The following MYO16 variants were observed in gnomAD, a reference collection of about 807,000 sequenced individuals.
MYO16 encodes the protein unconventional myosin-XVI.
A neutral mutation model predicts 205.3 loss-of-function variants in MYO16; 94 were observed. The observed-to-expected ratio is 0.46, with a 90% CI of 0.39 to 0.54. The LOEUF is 0.54. MYO16 is among the 20% of genes least tolerant of loss of function. The pLI is 0.00. For missense variants in MYO16, 2,315 were observed against 2,387.5 expected, an observed-to-expected ratio of 0.97 and a Z score of 0.63; for synonymous variants, 988 against 954.0, an observed-to-expected ratio of 1.04 and a Z score of -0.66.
intron 31 of MYO16, among the ~76,000 whole-genome samples, chr13:109,133,695 T>G (rs1009503310): frequency 1.3e-5 from 2 of 152,202 alleles, no homozygotes; most frequent in Non-Finnish European, 2.9e-5. Context: ...TTCATCTCAT[T>G]GACTTTATCA....
At position 108,850,126 on chromosome 13, in the gene MYO16, T is replaced by C. The variant is rs973439311; in HGVS notation, c.1249-5317T>C. On this transcript the variant is annotated intron_variant, in intron 10 of 34. Coordinates refer to ENST00000457511, the MANE Select transcript of MYO16 (RefSeq NM_001198950.3). ...CAAATCCTGTTGAATTTCCTCTTTTTGTGTGTGTAACTTATCCATACTGGG... is the reference window on the plus strand; with the variant it reads ...CAAATCCTGTTGAATTTCCTCTTTTCGTGTGTGTAACTTATCCATACTGGG... Among the ~76,000 whole-genome samples the C allele has an allele frequency of 4.6e-5, 7 of 151,836 alleles. 1 individual carries two copies. The highest frequency in any genetic ancestry group is 1.3e-4 in the Admixed American group (2 of 15,248).
At chr13:109,128,954 T>C (rs537258338) in intron 31 of MYO16, among the ~76,000 whole-genome samples, 5 of 152,004 alleles carry the variant, frequency 3.3e-5, no homozygotes, top group African/African-American at 1.2e-4. Flanking sequence ...GTATTTTTAG[T>C]AGAGACAGGG....
Position 109,141,157 on chromosome 13 carries a change from G to A in MYO16, c.4945G>A (p.Gly1649Arg), listed in dbSNP as rs746750646. The change falls in exon 32 of 35, where the codon GGG becomes AGG. Residue 1649 changes from glycine to arginine, a missense_variant. This residue lies in a region of MYO16 where 1,097 missense variants were observed against 1,092.0 expected (regional missense o/e 1.00). Coordinates refer to ENST00000457511, the MANE Select transcript of MYO16 (RefSeq NM_001198950.3). The surrounding 1 kb of genome is among the most constrained non-coding windows in gnomAD (Gnocchi z 4.1). Reference protein sequence around the residue: ...HPKPNSAPVAGPCSSFPKIPY... With the variant: ...HPKPNSAPVARPCSSFPKIPY... Reference sequence around the variant, plus strand: ...AAAGCCAAACTCTGCCCCCGTGGCCGGGCCCTGCAGCTCCTTCCCCAAGAT... The same window carrying A: ...AAAGCCAAACTCTGCCCCCGTGGCCAGGCCCTGCAGCTCCTTCCCCAAGAT... 2.5e-6 allele frequency: 4 copies of A among 1,604,302 alleles called. No individual in the cohort carries two copies. Among genetic ancestry groups the A allele is most frequent in the Middle Eastern group, 1.7e-4 (1 of 6,028 alleles).
At chr13:109,158,392 C>G (rs995390933) in intron 32 of MYO16, among the ~76,000 whole-genome samples, 1 of 152,208 alleles carries the variant, frequency 6.6e-6, no homozygotes, top group Non-Finnish European at 1.5e-5. Flanking sequence ...CTACCTCCCC[C>G]TCCCTCCACA....
intron 21 of MYO16, among the ~76,000 whole-genome samples, chr13:109,005,054 G>C (rs888815197): frequency 6.6e-6 from 1 of 152,194 alleles, no homozygotes; most frequent in Non-Finnish European, 1.5e-5. Context: ...AGAAGACAGA[G>C]AGGAAAAGTT....
Position 109,127,650 on chromosome 13 carries a change from TTAA to T in MYO16, c.4051+103_4051+105del. On this transcript the variant is annotated intron_variant, in intron 31 of 34. Coordinates refer to ENST00000457511, the MANE Select transcript of MYO16 (RefSeq NM_001198950.3). This position sits in a 1 kb window ranked among gnomAD's most constrained non-coding sequence, Gnocchi z 4.2. ...GCAGTACTGTCGCCCTAATGTATTCTTAATAGAAATAAATCCAATTGTTGGCTT... is the reference window on the plus strand; with the variant it reads ...GCAGTACTGTCGCCCTAATGTATTCTTAGAAATAAATCCAATTGTTGGCTT... The T allele has an allele frequency of 8.3e-7, 1 of 1,202,988 alleles. No individual in the cohort carries two copies. Among genetic ancestry groups the T allele is most frequent in the Non-Finnish European group, 1.1e-6 (1 of 870,778 alleles). 74.5% of individuals were successfully genotyped at this position (1,202,988 alleles called of 1,614,324 possible). A position where few individuals can be genotyped will look rare whatever the true frequency, so the allele number is the denominator to read the frequency against.
chr13:108,642,382 A>G (rs543349692), intron 1 of MYO16, among the ~76,000 whole-genome samples: 66 of 152,290 alleles, frequency 4.3e-4, no homozygotes, highest in African/African-American at 1.3e-3. Context: ...AGACTAGGGC[A>G]GGAATGGAGT....
intron 1 of MYO16, among the ~76,000 whole-genome samples, chr13:108,600,859 T>C (rs1248407016): frequency 6.6e-6 from 1 of 152,222 alleles, no homozygotes; most frequent in Non-Finnish European, 1.5e-5. Flanking sequence ...ACTACGGTTT[T>C]TTAAAAGTAA....
intron 22 of MYO16, among the ~76,000 whole-genome samples, chr13:109,015,407 A>C (rs564937874): frequency 1.3e-5 from 2 of 152,212 alleles, no homozygotes; most frequent in African/African-American, 4.8e-5. Context: ...CATCAGGGCT[A>C]TTGGTCTAAA....
Position 108,957,784 on chromosome 13 carries a change from T to C in MYO16, c.2022T>C (p.Val674=). The C allele has an allele frequency of 1.2e-6, 2 of 1,613,444 alleles. No individual in the cohort carries two copies. Among genetic ancestry groups the C allele is most frequent in the African/African-American group, 1.3e-5 (1 of 75,020 alleles). Reference sequence around the variant, plus strand: ...TTTTGAAACGAGCCCTGAATGTAGTTGGCTTCAGCAGCTTGGTGAGTCATG... The same window carrying C: ...TTTTGAAACGAGCCCTGAATGTAGTCGGCTTCAGCAGCTTGGTGAGTCATG... ...LAVLKRALNV[V]GFSSLEVENL... The change falls in exon 17 of 35, where the codon GTT becomes GTC. Residue 674 remains valine, a synonymous_variant. Transcript: ENST00000457511.
At chr13:108,581,924 G>A in the MYO16 span, among the ~76,000 whole-genome samples, 1 of 151,536 alleles carries the variant, frequency 6.6e-6, no homozygotes, top group African/African-American at 2.4e-5. Flanking sequence ...AAAAGTAGGG[G>A]AAGTTTGTCA....
intron 27 of MYO16, among the ~76,000 whole-genome samples, chr13:109,089,194 T>TATTA (rs533381813): frequency 6.8e-6 from 1 of 146,722 alleles, no homozygotes; most frequent in African/African-American, 2.5e-5. Context: ...TCTGCATTAT[T>TATTA]ATTATTATTA....
At chr13:108,533,198 T>C in the MYO16 span, among the ~76,000 whole-genome samples, 1 of 152,286 alleles carries the variant, frequency 6.6e-6, no homozygotes, top group Admixed American at 6.5e-5. Context: ...TAGCAACCTG[T>C]GTAGTCAAGG....
At chr13:108,841,856 A>C (rs146050295) in intron 9 of MYO16, among the ~76,000 whole-genome samples, 1 of 152,182 alleles carries the variant, frequency 6.6e-6, no homozygotes, top group Non-Finnish European at 1.5e-5. Context: ...TCAAAATAGT[A>C]TGATAGTGGC....
At chr13:108,518,654 C>A in the MYO16 span, among the ~76,000 whole-genome samples, 2 of 152,074 alleles carry the variant, frequency 1.3e-5, no homozygotes, top group Admixed American at 6.5e-5. Context: ...GTTTTCCATA[C>A]AAATAATTAC....
chr13:109,024,076 A>G (rs1886276414), intron 23 of MYO16, among the ~76,000 whole-genome samples: 1 of 146,824 alleles, frequency 6.8e-6, no homozygotes, highest in Non-Finnish European at 1.5e-5. Context: ...ATTTAAATAT[A>G]AATTTATATA....
rs540964655 is a variant in MYO16, at chr13:108,791,160, T to C, written c.617-2356T>C. 2.5e-3 allele frequency among the ~76,000 whole-genome samples: 383 copies of C among 152,294 alleles called. 1 individual carries two copies. The highest frequency in any genetic ancestry group is 8.9e-3 in the African/African-American group (368 of 41,560). On this transcript the variant is annotated intron_variant, in intron 5 of 34. Coordinates refer to ENST00000457511, the MANE Select transcript of MYO16 (RefSeq NM_001198950.3). Reference sequence around the variant, plus strand: ...GTTCATAACAGACCTCAAATGACTCTATAAGGGAAATGTTAGTTCTAAAAT... The same window carrying C: ...GTTCATAACAGACCTCAAATGACTCCATAAGGGAAATGTTAGTTCTAAAAT...
chr13:108,546,521 T>C, the MYO16 span, among the ~76,000 whole-genome samples: 6 of 152,208 alleles, frequency 3.9e-5, no homozygotes, highest in Non-Finnish European at 8.8e-5. Flanking sequence ...ATATATTATA[T>C]ACATATAGCT....
chr13:108,605,943 A>T (rs1878942310), intron 1 of MYO16, among the ~76,000 whole-genome samples: 3 of 152,212 alleles, frequency 2.0e-5, no homozygotes, highest in African/African-American at 7.2e-5. Context: ...AAATTCTGAT[A>T]GTGATATGGA....
Sources: allele counts gnomAD v4.1 joint callset (sites outside exome capture counted in the v4.1 genomes callset), GRCh38; gene constraint gnomAD v4.1.1; regional missense constraint gnomAD v4.1.1; non-coding constraint Gnocchi (gnomAD v3.1); transcripts MANE v1.5; gene names NCBI Gene and HGNC (gene_info 2026-07-23, HGNC 2026-07-21).